NUP210: variants seen among roughly 807,000 people sequenced by gnomAD.
NUP210 encodes nucleoporin 210, also known as nuclear pore membrane glycoprotein 210.
Under a neutral mutation model 196.0 loss-of-function variants are expected in NUP210, and 151 were observed. That is an observed-to-expected ratio of 0.77 (90% confidence interval 0.67 to 0.88). The LOEUF (loss-of-function observed/expected upper bound fraction) is 0.88, where lower values mean the gene tolerates loss of function less well. Ranked by LOEUF, NUP210 falls within the 40% of genes least tolerant of loss-of-function variation. NUP210 has a pLI of 0.00. For synonymous variants in NUP210, 1,070 were observed against 1,052.7 expected, an observed-to-expected ratio of 1.02 and a Z score of -0.32; for missense variants, 2,314 against 2,493.7, an observed-to-expected ratio of 0.93 and a Z score of 1.53.
intron 1 of NUP210, among the ~76,000 whole-genome samples, chr3:13,409,035 C>T (rs1292444277): frequency 6.6e-6 from 1 of 152,174 alleles, no homozygotes; most frequent in African/African-American, 2.4e-5. Context: ...CCTCATCACA[C>T]CAGCTCCCCT....
chr3:13,347,221 T>C lies in NUP210; in HGVS notation c.2836-3918A>G. The C allele has an allele frequency of 5.1e-6, 5 of 985,298 alleles. No individual in the cohort carries two copies. The highest frequency in any genetic ancestry group is 6.0e-6 in the Non-Finnish European group (5 of 829,844). 61.0% of individuals were successfully genotyped at this position (985,298 alleles called of 1,614,324 possible). A position where few individuals can be genotyped will look rare whatever the true frequency, so the allele number is the denominator to read the frequency against. The stretch of plus-strand genomic sequence containing the variant: ...ACAGGAGCTGGGCCCCCCGGCTTCA[T>C]TCCCTCCTGAATCCGCAGTGCTTAA... On this transcript the variant is annotated intron_variant, in intron 20 of 39. Transcript: ENST00000254508. The surrounding 1 kb of genome is among the most constrained non-coding windows in gnomAD (Gnocchi z 4.7).
chr3:13,353,465 G>A (rs1297774214), intron 18 of NUP210, 89 bp downstream of exon 18: 2 of 1,100,260 alleles, frequency 1.8e-6, no homozygotes, highest in Non-Finnish European at 2.8e-6. Context: ...AGTGACTCAG[G>A]ACACTGTGAT....
At chr3:13,356,628 G>C (rs1159839376) in intron 16 of NUP210, among the ~76,000 whole-genome samples, 1 of 152,192 alleles carries the variant, frequency 6.6e-6, no homozygotes, top group Admixed American at 6.5e-5. Context: ...GGGCAACAGA[G>C]CGAGACTGTG....
intron 23 of NUP210, among the ~76,000 whole-genome samples, chr3:13,341,529 G>A (rs1335676758): frequency 6.6e-6 from 1 of 152,218 alleles, no homozygotes; most frequent in East Asian, 1.9e-4. Context: ...CAGAGGAAAG[G>A]TCAAGTCACT....
chr3:13,326,224 C>G (rs1696747236), intron 32 of NUP210, among the ~76,000 whole-genome samples: 1 of 152,234 alleles, frequency 6.6e-6, no homozygotes, highest in Admixed American at 6.5e-5. Context: ...AATCTCCTGA[C>G]CATCCTGGCA....
intron 34 of NUP210, among the ~76,000 whole-genome samples, chr3:13,322,870 C>A (rs967972610): frequency 6.6e-6 from 1 of 152,228 alleles, no homozygotes; most frequent in Non-Finnish European, 1.5e-5. Flanking sequence ...TGTTGACTTA[C>A]TTATTTCTGG....
At chr3:13,369,696 G>A (rs978265678) in intron 13 of NUP210, among the ~76,000 whole-genome samples, 1 of 152,146 alleles carries the variant, frequency 6.6e-6, no homozygotes, top group Non-Finnish European at 1.5e-5. Flanking sequence ...GACAGTCTTG[G>A]CACCCTTACC....
chr3:13,420,108 G>T lies in NUP210; in HGVS notation c.119C>A (p.Ala40Asp). 1 of 1,382,576 alleles carries T rather than the reference G, an allele frequency of 7.2e-7. No homozygotes were observed. Among genetic ancestry groups the T allele is most frequent in the Non-Finnish European group, 9.5e-7 (1 of 1,047,426 alleles). The allele number at this position is 1,382,576 out of a possible 1,614,324, so 85.6% of individuals were successfully genotyped here. A position where few individuals can be genotyped will look rare whatever the true frequency, so the allele number is the denominator to read the frequency against. Residue 40 changes from alanine to aspartate, a missense_variant, in exon 1 of 40, where the codon GCC becomes GAC. Ala to Asp is a moderately radical substitution (Grantham distance 126). Coordinates refer to ENST00000254508, the MANE Select transcript of NUP210 (RefSeq NM_024923.4). This position sits in a 1 kb window ranked among gnomAD's most constrained non-coding sequence, Gnocchi z 4.8. The stretch of plus-strand genomic sequence containing the variant: ...CTCCAGCGTGAAGTTAACGCGCGTG[G>T]CCCGCGTGAAGGGCAGCAGCACTTT... ...IPKVLLPFTR[A>D]TRVNFTLEAS... is the part of the protein sequence containing the mutation.
In NUP210 at chr3:13,374,660, C is replaced by T. The variant is rs1229588139; in HGVS notation, c.1432-787G>A. On this transcript the variant is annotated intron_variant, in intron 11 of 39. Transcript: ENST00000254508. ...TGGAGTGGGACGAACCCTTGGTCAC[C>T]GAGCCAGTTGCAGGATGCTGCCTCC... 3.9e-5 allele frequency among the ~76,000 whole-genome samples: 6 copies of T among 152,324 alleles called. No individual in the cohort carries two copies. In the East Asian group the frequency reaches 7.7e-4, roughly 20 times the overall value.
In NUP210 at chr3:13,327,178, C is replaced by T. The variant is rs77043798; in HGVS notation, c.4507+39G>A. 4.3e-3 allele frequency: 6,639 copies of T among 1,558,752 alleles called. 239 individuals are homozygous for T. The African/African-American group carries it at 0.079, about 19-fold the overall frequency. On this transcript the variant is annotated intron_variant, in intron 32 of 39. Transcript: ENST00000254508. ...GCCCCCACCCAGCTTTGCAAGCGTC[C>T]GTGACTCCACAGGTTCCCTTGCTCA...
rs373780702 is a variant in NUP210, at chr3:13,337,829, C to A, written c.3552+8G>T. On this transcript the variant is annotated splice_region_variant and intron_variant, in intron 26 of 39. Transcript: ENST00000254508. ...AACCAGGATTCAGAGCCCAGGAGGT[C>A]CCCTCACCTGGGTGCCCGTCCTCAT... is the stretch of plus-strand genomic sequence containing the variant. 2 of 1,606,568 alleles carry A rather than the reference C, an allele frequency of 1.2e-6. No individual in the cohort carries two copies. Among genetic ancestry groups the A allele is most frequent in the Non-Finnish European group, 1.7e-6 (2 of 1,177,728 alleles).
In NUP210 at chr3:13,336,759, G is replaced by A. The variant is rs751977574; in HGVS notation, c.3684+28C>T. On this transcript the variant is annotated intron_variant, in intron 27 of 39. Coordinates refer to ENST00000254508, the MANE Select transcript of NUP210 (RefSeq NM_024923.4). Reference sequence around the variant, plus strand: ...TGCTGGCCTGGGACAGGGGTGGGAGGTGAGCTCTGGAGGGGGTGGTTACCT... The same window carrying A: ...TGCTGGCCTGGGACAGGGGTGGGAGATGAGCTCTGGAGGGGGTGGTTACCT... 9.8e-5 allele frequency: 158 copies of A among 1,607,962 alleles called. 1 individual carries two copies. The Admixed American group carries it at 2.3e-3, about 23-fold the overall frequency.
At position 13,327,262 on chromosome 3, in the gene NUP210, C is replaced by T. The variant is rs777766913; in HGVS notation, c.4462G>A (p.Val1488Met). 5 of 1,613,368 alleles carry T rather than the reference C, an allele frequency of 3.1e-6. No individual in the cohort carries two copies. The highest frequency in any genetic ancestry group is 3.4e-6 in the Non-Finnish European group (4 of 1,180,032). ...ISPELSGAMV[V>M]GDVLCLATVL... ...GTGGCCAGACAGAGCACGTCCCCCA[C>T]CACCATGGCCCCAGACAGCTCTGGG... The change falls in exon 32 of 40, where the codon GTG becomes ATG. Residue 1488 changes from valine (V) to methionine (M), a missense_variant. By Grantham distance (21) the Val-to-Met change is conservative (BLOSUM62 1). Coordinates refer to ENST00000254508, the MANE Select transcript of NUP210 (RefSeq NM_024923.4).
intron 4 of NUP210, among the ~76,000 whole-genome samples, chr3:13,390,819 C>T (rs1699464900): frequency 6.6e-6 from 1 of 152,188 alleles, no homozygotes; most frequent in Non-Finnish European, 1.5e-5. Context: ...CAGCCTGTTC[C>T]ACCTGAGACC....
rs192423605 is a variant in NUP210, at chr3:13,342,146, C to T, written c.2965-23G>A. On this transcript the variant is annotated intron_variant, in intron 21 of 39. Transcript: ENST00000254508. ...CACCTGCATCATGGGGACAGAGGTTCAGGGGCAGCCTCCAAAAGACCAATC... is the reference window on the plus strand; with the variant it reads ...CACCTGCATCATGGGGACAGAGGTTTAGGGGCAGCCTCCAAAAGACCAATC... 615 of 1,613,420 alleles carry T rather than the reference C, an allele frequency of 3.8e-4. 5 individuals are homozygous for T. The African/African-American group carries it at 7.0e-3, about 18-fold the overall frequency.
chr3:13,379,666 G>T lies in NUP210; in HGVS notation c.873C>A (p.Gly291=). 6.2e-7 allele frequency: 1 copy of T among 1,613,820 alleles called. No individual in the cohort carries two copies. The highest frequency in any genetic ancestry group is 8.5e-7 in the Non-Finnish European group (1 of 1,179,946). Residue 291 remains glycine (G), a synonymous_variant, in exon 7 of 40, where the codon GGC becomes GGA. Transcript: ENST00000254508. The surrounding 1 kb of genome is among the most constrained non-coding windows in gnomAD (Gnocchi z 4.2). ...YELQLQNSIP[G]PEGDPARPVA... ...CCGGCCGGGCTGGGTCTCCTTCGGG[G>T]CCCGGGATGCTGTTCTGAAGCTGCA...
intron 29 of NUP210, among the ~76,000 whole-genome samples, chr3:13,331,581 C>A (rs1696997831): frequency 6.6e-6 from 1 of 152,220 alleles, no homozygotes; most frequent in African/African-American, 2.4e-5. Flanking sequence ...TTTTAATAGC[C>A]TTCTCCTGCT....
chr3:13,381,612 AAG>A (rs1386058242), intron 6 of NUP210, among the ~76,000 whole-genome samples: 1 of 151,728 alleles, frequency 6.6e-6, no homozygotes, highest in Non-Finnish European at 1.5e-5. Context: ...CACTCCTTGT[AAG>A]AGACACTGAA....
At chr3:13,413,048 C>T (rs9882003) in intron 1 of NUP210, among the ~76,000 whole-genome samples, 33,367 of 151,018 alleles carry the variant, frequency 0.22, 5,703 homozygotes, top group African/African-American at 0.48. Flanking sequence ...AGGCAGATCA[C>T]GAGGTCAGGA....
Sources: gnomAD v4.1 joint callset for allele counts (sites outside exome capture counted in the v4.1 genomes callset) on GRCh38, gnomAD v4.1.1 for gene constraint, Gnocchi (gnomAD v3.1) non-coding constraint, MANE v1.5 for transcripts, NCBI Gene and HGNC (gene_info 2026-07-23, HGNC 2026-07-21) for gene names.